Variants in PTPRK observed in about 807,000 individuals in gnomAD.
PTPRK encodes protein tyrosine phosphatase receptor type K, also known as receptor-type tyrosine-protein phosphatase kappa.
PTPRK carries 75 observed loss-of-function variants against 178.0 expected under a neutral mutation model. That is an observed-to-expected ratio of 0.42 (90% CI 0.35 to 0.51). PTPRK has a LOEUF of 0.51. Among genes scored for constraint, PTPRK ranks in the 20% least tolerant of loss-of-function variants. PTPRK has a pLI of 0.02. For missense variants in PTPRK, 1,441 were observed against 1,797.8 expected (o/e 0.80, Z 3.59); for synonymous variants, 637 against 620.6 (o/e 1.03, Z -0.39).
At chr6:128,414,252 G>A (rs1584600811) in intron 1 of PTPRK, among the ~76,000 whole-genome samples, 2 of 152,148 alleles carry the variant, frequency 1.3e-5, no homozygotes, top group South Asian at 4.1e-4. Flanking sequence ...CTATCTCCAG[G>A]TAGGAAAGGT....
rs996111448 is a variant in PTPRK at position 128,520,445 on chromosome 6, C to A, written c.-87G>T. ...ATCCACGACGGAGGAGCGGGCCGGGCCTCGCGGGGTGAGGACGGTGAGAGG... is the reference window on the plus strand; with the variant it reads ...ATCCACGACGGAGGAGCGGGCCGGGACTCGCGGGGTGAGGACGGTGAGAGG... On this transcript the variant is annotated 5_prime_UTR_variant, in exon 1 of 30. Coordinates refer to ENST00000368226, the MANE Select transcript of PTPRK (RefSeq NM_002844.4). The A allele has an allele frequency of 5.6e-5, 75 of 1,338,510 alleles. No homozygotes were observed. The highest frequency in any genetic ancestry group is 5.2e-6 in the Non-Finnish European group (5 of 957,494). 82.9% of individuals were successfully genotyped at this position (1,338,510 alleles called of 1,614,324 possible). A position where few individuals can be genotyped will look rare whatever the true frequency, so the allele number is the denominator to read the frequency against.
chr6:127,979,628 C>T (rs1347965144), intron 25 of PTPRK, among the ~76,000 whole-genome samples: 3 of 152,092 alleles, frequency 2.0e-5, no homozygotes, highest in Admixed American at 6.5e-5. Context: ...ACAGCAAGGA[C>T]GAGAGCCTGC....
chr6:128,072,610 T>C (rs552796951), intron 11 of PTPRK, among the ~76,000 whole-genome samples: 1 of 152,164 alleles, frequency 6.6e-6, no homozygotes, highest in South Asian at 2.1e-4. Flanking sequence ...ACCACATTCC[T>C]TACCTTATAT....
At position 128,324,757 on chromosome 6, in the gene PTPRK, T is replaced by G. The variant is rs978621097; in HGVS notation, c.224-2447A>C. 2.0e-5 allele frequency among the ~76,000 whole-genome samples: 3 copies of G among 152,116 alleles called. No homozygotes were observed. In the South Asian group the frequency reaches 6.2e-4, roughly 31 times the overall value. On this transcript the variant is annotated intron_variant, in intron 2 of 29. Transcript: ENST00000368226. ...TAGCACCAAAAAGCCATCTAAATCT[T>G]TCTGCCTACTGACTTGATATAACGG...
At chr6:128,018,985 A>C (rs1313816764) in intron 13 of PTPRK, among the ~76,000 whole-genome samples, 1 of 152,164 alleles carries the variant, frequency 6.6e-6, no homozygotes, top group Admixed American at 6.5e-5. Flanking sequence ...TATGGTAAGT[A>C]CTCAAATGAC....
chr6:128,419,888 A>G (rs944168873), intron 1 of PTPRK, among the ~76,000 whole-genome samples: 11 of 152,198 alleles, frequency 7.2e-5, no homozygotes, highest in African/African-American at 2.4e-4. Context: ...GTAACAAAGG[A>G]TCCAAAAGCT....
intron 29 of PTPRK, among the ~76,000 whole-genome samples, 157 bp from the exon 30 acceptor site, chr6:127,970,437 T>C (rs1773776332): frequency 6.6e-6 from 1 of 152,200 alleles, no homozygotes; most frequent in Admixed American, 6.5e-5. Flanking sequence ...ATACATATTT[T>C]ATACTTGAGT....
At chr6:128,192,417 C>T (rs1803958087) in intron 6 of PTPRK, among the ~76,000 whole-genome samples, 1 of 152,122 alleles carries the variant, frequency 6.6e-6, no homozygotes, top group Non-Finnish European at 1.5e-5. Context: ...CTCATCATTA[C>T]ATTCCCAGTG....
intron 2 of PTPRK, among the ~76,000 whole-genome samples, chr6:128,377,200 G>A (rs942993968): frequency 6.6e-5 from 10 of 152,266 alleles, no homozygotes; most frequent in Admixed American, 2.0e-4. Flanking sequence ...CGTACCTGAC[G>A]TTGGGTAATT....
intron 11 of PTPRK, among the ~76,000 whole-genome samples, chr6:128,072,369 T>G (rs1782981109): frequency 6.6e-6 from 1 of 151,950 alleles, no homozygotes; most frequent in African/African-American, 2.4e-5. Context: ...ATATAATACA[T>G]CTAACCCACT....
At chr6:128,068,061 T>A (rs1782140495) in intron 11 of PTPRK, among the ~76,000 whole-genome samples, 1 of 152,192 alleles carries the variant, frequency 6.6e-6, no homozygotes, top group African/African-American at 2.4e-5. Context: ...TTTTAAATGT[T>A]GAGGAATGAG....
At chr6:128,083,550 G>T in intron 9 of PTPRK, 165 bp downstream of exon 9, 1 of 411,256 alleles carries the variant, frequency 2.4e-6, no homozygotes, top group East Asian at 3.7e-5. Context: ...TTATTTTGAC[G>T]CTTAATTTTG....
intron 14 of PTPRK, chr6:128,007,959 C>A: frequency 1.1e-6 from 1 of 938,712 alleles, no homozygotes; most frequent in Admixed American, 2.3e-5. Context: ...TATTTTCCAA[C>A]CACAGAGGGA....
chr6:128,001,240 C>T (rs1042627694), intron 15 of PTPRK: 2 of 1,513,608 alleles, frequency 1.3e-6, no homozygotes, highest in Non-Finnish European at 1.8e-6. Flanking sequence ...AACACAAAAA[C>T]CAAAAATACG....
intron 1 of PTPRK, among the ~76,000 whole-genome samples, chr6:128,516,451 G>A (rs1398782526): frequency 3.9e-5 from 6 of 152,116 alleles, no homozygotes; most frequent in African/African-American, 7.2e-5. Context: ...TGATTAGAAC[G>A]TGGAGTTTTA....
intron 2 of PTPRK, among the ~76,000 whole-genome samples, 162 bp downstream of exon 2, chr6:128,397,402 GTT>G (rs1453716820): frequency 2.0e-5 from 3 of 151,722 alleles, no homozygotes; most frequent in Non-Finnish European, 2.9e-5. Context: ...ATTACAGAAA[GTT>G]ATTAAGGGAA....
At chr6:128,269,618 G>T (rs934830903) in intron 3 of PTPRK, among the ~76,000 whole-genome samples, 2 of 152,026 alleles carry the variant, frequency 1.3e-5, no homozygotes, top group Non-Finnish European at 2.9e-5. Flanking sequence ...ACCTTGCAGG[G>T]TGCCCTACAT....
chr6:128,146,503 GC>G (rs554410505), intron 7 of PTPRK, among the ~76,000 whole-genome samples: 2 of 150,778 alleles, frequency 1.3e-5, no homozygotes, highest in Non-Finnish European at 3.0e-5. Context: ...GAGTGCTGTG[GC>G]ATGATCTTGG....
chr6:128,493,848 C>T (rs1006265783), intron 1 of PTPRK, among the ~76,000 whole-genome samples: 2 of 152,158 alleles, frequency 1.3e-5, no homozygotes, highest in Admixed American at 6.5e-5. Context: ...TATCCAACTT[C>T]TCCAGATACA....
Sources: gnomAD v4.1 joint callset for allele counts (sites outside exome capture counted in the v4.1 genomes callset) on GRCh38, gnomAD v4.1.1 for gene constraint, MANE v1.5 for transcripts, NCBI Gene and HGNC (gene_info 2026-07-23, HGNC 2026-07-21) for gene names.